The following FBXO21 variants were observed in gnomAD, a reference collection of about 807,000 sequenced individuals.
FBXO21 encodes the protein F-box only protein 21.
FBXO21 carries 32 observed loss-of-function variants against 76.6 expected under a neutral mutation model. The observed-to-expected ratio is 0.42, with a 90% CI of 0.32 to 0.56. The LOEUF (loss-of-function observed/expected upper bound fraction) is 0.56. FBXO21 is among the 20% of genes least tolerant of loss of function. FBXO21 has a pLI of 0.16. For synonymous variants in FBXO21, 328 were observed against 311.5 expected, an observed-to-expected ratio of 1.05 and a Z score of -0.56; for missense variants, 586 against 797.3, an observed-to-expected ratio of 0.73 and a Z score of 3.19.
rs112008385 is a variant in FBXO21 at position 117,180,434 on chromosome 12, A to G, written c.471-2793T>C. On this transcript the variant is annotated intron_variant, in intron 3 of 11. Coordinates refer to ENST00000622495, the MANE Select transcript of FBXO21 (RefSeq NM_015002.3). ...CTTTTGAGTTCACACTGGCACTTCT[A>G]ATTCAAAAATATATGTCTCTGACCT... is the stretch of plus-strand genomic sequence containing the variant. Among the ~76,000 whole-genome samples, 706 of 152,318 alleles carry G rather than the reference A, an allele frequency of 4.6e-3. 9 individuals are homozygous for G. The highest frequency in any genetic ancestry group is 0.016 in the African/African-American group (675 of 41,564).
chr12:117,160,500 A>C (rs1020435442), intron 9 of FBXO21, among the ~76,000 whole-genome samples: 6 of 152,098 alleles, frequency 3.9e-5, no homozygotes, highest in Admixed American at 3.9e-4. Context: ...ACCCCACACA[A>C]AACACTCTCC....
intron 9 of FBXO21, among the ~76,000 whole-genome samples, chr12:117,164,050 A>C (rs1014850196): frequency 6.6e-6 from 1 of 151,838 alleles, no homozygotes; most frequent in Non-Finnish European, 1.5e-5. Context: ...GCTTGAGCCC[A>C]GGAGTCCAAG....
chr12:117,188,603 A>T (rs1313045868), intron 2 of FBXO21, among the ~76,000 whole-genome samples: 1 of 150,664 alleles, frequency 6.6e-6, no homozygotes, highest in African/African-American at 2.5e-5. Flanking sequence ...AAAAAAGAAA[A>T]CAAAACAAAA....
intron 3 of FBXO21, among the ~76,000 whole-genome samples, chr12:117,183,681 C>T (rs1956256916): frequency 6.6e-6 from 1 of 152,240 alleles, no homozygotes; most frequent in South Asian, 2.1e-4. Flanking sequence ...TTGAGTTCTA[C>T]TGACTTCGTT....
chr12:117,151,586 G>A (rs1288207310), intron 11 of FBXO21, among the ~76,000 whole-genome samples: 3 of 152,140 alleles, frequency 2.0e-5, no homozygotes, highest in African/African-American at 7.2e-5. Context: ...CATTAACCCA[G>A]AAATGTTCAA....
At chr12:117,161,079 GAGCAGCAGCTACCAC>G (rs1415071587) in intron 9 of FBXO21, among the ~76,000 whole-genome samples, 1 of 152,126 alleles carries the variant, frequency 6.6e-6, no homozygotes, top group Non-Finnish European at 1.5e-5. Flanking sequence ...ACAGATGACG[GAGCAGCAGCTACCAC>G]AGACTGGACA....
At chr12:117,155,494 A>G in intron 11 of FBXO21, 1 of 418,504 alleles carries the variant, frequency 2.4e-6, no homozygotes. Flanking sequence ...GGCAGGGTCC[A>G]GGAGGCAGGA....
intron 11 of FBXO21, among the ~76,000 whole-genome samples, chr12:117,153,647 G>A (rs946220875): frequency 3.3e-5 from 5 of 152,120 alleles, no homozygotes; most frequent in Non-Finnish European, 2.9e-5. Context: ...AGGCATGCTG[G>A]GGGAGATCTG....
Position 117,179,181 on chromosome 12 carries a change from TATCA to T in FBXO21, c.471-1544_471-1541del, listed in dbSNP as rs141710075. The stretch of plus-strand genomic sequence containing the variant: ...TTTTTAACCTTTGAGTTGTAAAATA[TATCA>T]ATCTAGAAAATTGTGTGAAACAAAC... On this transcript the variant is annotated intron_variant, in intron 3 of 11. Coordinates refer to ENST00000622495, the MANE Select transcript of FBXO21 (RefSeq NM_015002.3). 3.9e-4 allele frequency among the ~76,000 whole-genome samples: 60 copies of T among 152,346 alleles called. No individual in the cohort carries two copies. In the East Asian group the frequency reaches 9.7e-3, roughly 25 times the overall value.
At chr12:117,177,763 T>C in intron 3 of FBXO21, 122 bp from the exon 4 acceptor site, 1 of 694,916 alleles carries the variant, frequency 1.4e-6, no homozygotes, top group Non-Finnish European at 2.3e-6. Context: ...CATTCTCTTA[T>C]AATAATTATA....
At chr12:117,151,023 G>A (rs1024465809) in intron 11 of FBXO21, among the ~76,000 whole-genome samples, 3 of 150,684 alleles carry the variant, frequency 2.0e-5, no homozygotes, top group Non-Finnish European at 4.4e-5. Context: ...AGGACTGTAT[G>A]GGTGGAAAGT....
At chr12:117,187,808 C>T (rs914630827) in intron 2 of FBXO21, among the ~76,000 whole-genome samples, 1 of 152,226 alleles carries the variant, frequency 6.6e-6, no homozygotes, top group African/African-American at 2.4e-5. Context: ...GTACCAAAAT[C>T]TACGTATGTG....
rs1355461345 is a variant in FBXO21, at chr12:117,144,778, G to T, written c.*1309C>A. On this transcript the variant is annotated 3_prime_UTR_variant, in exon 12 of 12. Transcript: ENST00000622495. ...GAGCTCCAGAGCTGCACAAAGGCGTGCAGTTACTCTGGGCTCAGTTACTGA... is the reference window on the plus strand; with the variant it reads ...GAGCTCCAGAGCTGCACAAAGGCGTTCAGTTACTCTGGGCTCAGTTACTGA... 1 of 152,218 alleles carries T rather than the reference G, an allele frequency of 6.6e-6. No homozygotes were observed. The highest frequency in any genetic ancestry group is 1.5e-5 in the Non-Finnish European group (1 of 68,044). The allele number at this position is 152,218 out of a possible 1,614,324, so 9.4% of individuals were successfully genotyped here.
intron 3 of FBXO21, among the ~76,000 whole-genome samples, chr12:117,180,485 T>G (rs1471157082): frequency 6.6e-6 from 1 of 152,256 alleles, no homozygotes; most frequent in East Asian, 1.9e-4. Flanking sequence ...CTATGTCTTC[T>G]TTATTCCAGG....
intron 11 of FBXO21, among the ~76,000 whole-genome samples, chr12:117,149,278 G>C (rs1450124259): frequency 6.6e-6 from 1 of 152,158 alleles, no homozygotes; most frequent in Non-Finnish European, 1.5e-5. Context: ...GGGATTACAA[G>C]TGTGAGCCAC....
At chr12:117,183,708 T>C (rs1190638782) in intron 3 of FBXO21, among the ~76,000 whole-genome samples, 1 of 152,246 alleles carries the variant, frequency 6.6e-6, no homozygotes, top group Non-Finnish European at 1.5e-5. Flanking sequence ...CTCTTGGCCA[T>C]ATAGAAGTGT....
At chr12:117,188,980 C>T in intron 2 of FBXO21, 1 of 519,520 alleles carries the variant, frequency 1.9e-6, no homozygotes. Flanking sequence ...TGCGTGGGTC[C>T]CTCCCTGCTC....
chr12:117,177,891 G>A (rs1398233011), intron 3 of FBXO21, among the ~76,000 whole-genome samples: 2 of 152,160 alleles, frequency 1.3e-5, no homozygotes, highest in African/African-American at 4.8e-5. Flanking sequence ...AAAAGGAAAT[G>A]GAAGAGCAGC....
intron 6 of FBXO21, among the ~76,000 whole-genome samples, chr12:117,173,995 T>C (rs1566004281): frequency 6.6e-6 from 1 of 151,942 alleles, no homozygotes; most frequent in Non-Finnish European, 1.5e-5. Flanking sequence ...AATAAAAAAT[T>C]AGCCGGGTGT....
Sources: allele counts gnomAD v4.1 joint callset (sites outside exome capture counted in the v4.1 genomes callset), GRCh38; gene constraint gnomAD v4.1.1; transcripts MANE v1.5; gene names NCBI Gene and HGNC (gene_info 2026-07-23, HGNC 2026-07-21).